The following ZFHX3 variants were observed in gnomAD, a reference collection of about 807,000 sequenced individuals.
ZFHX3 encodes zinc finger homeobox 3.
Under a neutral mutation model 279.1 loss-of-function variants are expected in ZFHX3, and 42 were observed. That is an observed-to-expected ratio of 0.15 (90% CI 0.12 to 0.19). The LOEUF (loss-of-function observed/expected upper bound fraction) is 0.19. Among genes scored for constraint, ZFHX3 ranks in the 10% least tolerant of loss-of-function variants. ZFHX3 has a pLI of 1.00. For synonymous variants in ZFHX3, 2,293 were observed against 1,957.8 expected, an observed-to-expected ratio of 1.17 and a Z score of -4.52; for missense variants, 4,981 against 4,754.0, an observed-to-expected ratio of 1.05 and a Z score of -1.40.
intron 3 of ZFHX3, among the ~76,000 whole-genome samples, chr16:73,396,008 C>T (rs1961310784): frequency 6.6e-6 from 1 of 152,134 alleles, no homozygotes; most frequent in Admixed American, 6.5e-5. Context: ...TTTTCTTTTC[C>T]CTTTGTTATT....
rs774671474 is a variant in ZFHX3 at position 72,958,543 on chromosome 16, A to G, written c.1603T>C (p.Leu535=). ...LSNQSISNSP[L]MPNVLQTLSR... The stretch of plus-strand genomic sequence containing the variant: ...AGGGTCTGGAGCACGTTAGGCATTA[A>G]GGGGGAGTTAGAAATGCTTTGGTTT... The change falls in exon 2 of 10, where the codon TTA becomes CTA. Residue 535 remains leucine, a synonymous_variant. Transcript: ENST00000268489. 3 of 1,614,124 alleles carry G rather than the reference A, an allele frequency of 1.9e-6. No individual in the cohort carries two copies. Among genetic ancestry groups the G allele is most frequent in the Non-Finnish European group, 2.5e-6 (3 of 1,180,036 alleles).
At chr16:73,421,886 T>C (rs2017724933) in intron 3 of ZFHX3, among the ~76,000 whole-genome samples, 1 of 152,112 alleles carries the variant, frequency 6.6e-6, no homozygotes. Flanking sequence ...AATAAAGCCC[T>C]AGATTGCATA....
chr16:72,953,876 G>A (rs1961117489), intron 2 of ZFHX3, among the ~76,000 whole-genome samples: 1 of 152,130 alleles, frequency 6.6e-6, no homozygotes, highest in Non-Finnish European at 1.5e-5. Context: ...CAGCATTCTA[G>A]GCTGTTAAAA....
At chr16:73,767,828 T>A (rs1005294583) in intron 1 of ZFHX3, among the ~76,000 whole-genome samples, 4 of 152,136 alleles carry the variant, frequency 2.6e-5, no homozygotes, top group African/African-American at 9.7e-5. Context: ...TAGTACCCAT[T>A]TGTACCAGTC....
intron 2 of ZFHX3, among the ~76,000 whole-genome samples, chr16:73,544,631 C>G (rs935073278): frequency 2.6e-5 from 4 of 152,124 alleles, no homozygotes; most frequent in Admixed American, 1.3e-4. Flanking sequence ...TGTTGACGAT[C>G]CAGCCAAGGG....
chr16:73,645,408 C>T (rs1323220401), intron 2 of ZFHX3, among the ~76,000 whole-genome samples: 6 of 152,262 alleles, frequency 3.9e-5, no homozygotes, highest in East Asian at 1.9e-4. Flanking sequence ...AGGCGCCCGC[C>T]GCCACACCCG....
rs1166278817 is a variant in ZFHX3 at position 72,796,585 on chromosome 16, T to G, written c.6097A>C (p.Arg2033=). Residue 2033 remains arginine, a synonymous_variant, in exon 9 of 10, where the codon AGG becomes CGG. Transcript: ENST00000268489. ...GGTGGTGGCTCTGGGGTCTGGGGCC[T>G]CAGTGGGTACAGTTTATCGTAGTGG... ...RDHYDKLYPL[R]PQTPEPPPPP... 6.2e-7 allele frequency: 1 copy of G among 1,613,722 alleles called. No individual in the cohort carries two copies.
chr16:72,894,101 A>G (rs1174778132), intron 3 of ZFHX3, among the ~76,000 whole-genome samples: 1 of 151,928 alleles, frequency 6.6e-6, no homozygotes, highest in Non-Finnish European at 1.5e-5. Context: ...GTGAGCCACA[A>G]TAGTGCCACT....
intron 1 of ZFHX3, among the ~76,000 whole-genome samples, chr16:73,742,429 C>T (rs924206913): frequency 6.6e-6 from 1 of 152,194 alleles, no homozygotes; most frequent in Non-Finnish European, 1.5e-5. Context: ...TCCAAAATGG[C>T]CAAGACTTCT....
intron 6 of ZFHX3, 44 bp downstream of exon 6, chr16:72,811,861 A>G (rs775838824): frequency 1.2e-6 from 2 of 1,603,090 alleles, no homozygotes; most frequent in Admixed American, 1.7e-5. Context: ...ACCAATGTCT[A>G]AAACACCTCA....
chr16:72,985,038 G>T (rs780728374), intron 1 of ZFHX3, among the ~76,000 whole-genome samples: 4 of 151,864 alleles, frequency 2.6e-5, no homozygotes, highest in Non-Finnish European at 4.4e-5. Context: ...CCACCACTAC[G>T]AACACCAACA....
At chr16:73,531,885 T>C (rs1260138598) in intron 2 of ZFHX3, among the ~76,000 whole-genome samples, 3 of 152,004 alleles carry the variant, frequency 2.0e-5, no homozygotes, top group East Asian at 1.9e-4. Context: ...GACCAGGAGT[T>C]TGAGACCAGC....
chr16:72,887,261 G>A (rs2038649177), intron 4 of ZFHX3, among the ~76,000 whole-genome samples: 1 of 152,186 alleles, frequency 6.6e-6, no homozygotes, highest in Non-Finnish European at 1.5e-5. Flanking sequence ...CAGAAAAACT[G>A]ATAGAGCAGA....
At chr16:73,578,922 G>A (rs1007847726) in intron 2 of ZFHX3, among the ~76,000 whole-genome samples, 1 of 152,134 alleles carries the variant, frequency 6.6e-6, no homozygotes. Flanking sequence ...TCCGCCAGGG[G>A]CATTCCAAAT....
intron 1 of ZFHX3, among the ~76,000 whole-genome samples, chr16:73,862,340 T>A (rs1961903107): frequency 6.6e-6 from 1 of 152,226 alleles, no homozygotes; most frequent in Non-Finnish European, 1.5e-5. Context: ...TTTTGGTAAC[T>A]AAGAACCCCA....
intron 3 of ZFHX3, among the ~76,000 whole-genome samples, chr16:73,398,558 G>T (rs2017178565): frequency 6.6e-6 from 1 of 152,186 alleles, no homozygotes; most frequent in African/African-American, 2.4e-5. Flanking sequence ...GGAAGTCAGG[G>T]TGGAGCATTT....
At chr16:73,412,386 C>T (rs2017488890) in intron 3 of ZFHX3, among the ~76,000 whole-genome samples, 1 of 151,970 alleles carries the variant, frequency 6.6e-6, no homozygotes, top group Non-Finnish European at 1.5e-5. Context: ...CCTGAAGTCC[C>T]TGCACTAGTG....
intron 3 of ZFHX3, among the ~76,000 whole-genome samples, chr16:73,324,820 C>T (rs1249172560): frequency 6.6e-6 from 1 of 152,058 alleles, no homozygotes; most frequent in Non-Finnish European, 1.5e-5. Flanking sequence ...ATTTCTAGGC[C>T]CTGGGTGTGG....
At chr16:72,901,598 C>T (rs2039038030) in intron 3 of ZFHX3, among the ~76,000 whole-genome samples, 2 of 152,284 alleles carry the variant, frequency 1.3e-5, no homozygotes, top group South Asian at 4.2e-4. Context: ...CTTCTGGCGT[C>T]GATCACTCTG....
Sources: gnomAD v4.1 joint callset for allele counts (sites outside exome capture counted in the v4.1 genomes callset) on GRCh38, gnomAD v4.1.1 for gene constraint, MANE v1.5 for transcripts, NCBI Gene and HGNC (gene_info 2026-07-23, HGNC 2026-07-21) for gene names.